The following SCD variants were observed in gnomAD, a reference collection of about 807,000 sequenced individuals.
SCD encodes the protein stearoyl-CoA desaturase.
Under a neutral mutation model 35.7 loss-of-function variants are expected in SCD, and 4 were observed. That is an observed-to-expected ratio of 0.11 (90% CI 0.06 to 0.26). The LOEUF (loss-of-function observed/expected upper bound fraction) is 0.26, where lower values mean the gene tolerates loss of function less well. Ranked by LOEUF, SCD falls within the 10% of genes least tolerant of loss-of-function variation. The pLI is 1.00. For missense variants in SCD, 282 were observed against 460.7 expected (o/e 0.61, Z 3.55); for synonymous variants, 150 against 170.2 (o/e 0.88, Z 0.92).
Position 100,356,858 on chromosome 10 carries a change from T to G in SCD, c.880+94T>G. 1.0e-6 allele frequency: 1 copy of G among 984,706 alleles called. No homozygotes were observed. The highest frequency in any genetic ancestry group is 1.5e-6 in the Non-Finnish European group (1 of 646,710). The allele number at this position is 984,706 out of a possible 1,614,324, so 61.0% of individuals were successfully genotyped here. A position where few individuals can be genotyped will look rare whatever the true frequency, so the allele number is the denominator to read the frequency against. ...AAAAACTAGATAAATCTGTTTTTTATGGCTACTTTGTATCTCAGTTTTTCC... is the reference window on the plus strand; with the variant it reads ...AAAAACTAGATAAATCTGTTTTTTAGGGCTACTTTGTATCTCAGTTTTTCC... On this transcript the variant is annotated intron_variant, in intron 5 of 5. Coordinates refer to ENST00000370355, the MANE Select transcript of SCD (RefSeq NM_005063.5). This position sits in a 1 kb window ranked among gnomAD's most constrained non-coding sequence, Gnocchi z 4.1.
At chr10:100,351,322 A>C (rs1016612896) in intron 2 of SCD, among the ~76,000 whole-genome samples, 5 of 144,008 alleles carry the variant, frequency 3.5e-5, no homozygotes, top group Non-Finnish European at 7.6e-5. Context: ...CTTGAAGAAT[A>C]TCCCACCATT....
chr10:100,349,171 G>A (rs367608695), intron 2 of SCD, among the ~76,000 whole-genome samples: 56 of 152,312 alleles, frequency 3.7e-4, no homozygotes, highest in African/African-American at 5.8e-4. Flanking sequence ...AAGAGAGCCC[G>A]GTCTTGAGGC....
In SCD at chr10:100,356,420, CA is replaced by C. The variant is rs553513871; in HGVS notation, c.648-110del. The C allele has an allele frequency of 3.9e-4, 301 of 762,188 alleles. No individual in the cohort carries two copies. In the African/African-American group the frequency reaches 4.7e-3, roughly 12 times the overall value. 47.2% of individuals were successfully genotyped at this position (762,188 alleles called of 1,614,324 possible). A position where few individuals can be genotyped will look rare whatever the true frequency, so the allele number is the denominator to read the frequency against. Reference sequence around the variant, plus strand: ...ATAAAACAATGAACTTAGAGTCAGACAAGCAATTCAACATGGAAGAAAGACA... The same window carrying C: ...ATAAAACAATGAACTTAGAGTCAGACAGCAATTCAACATGGAAGAAAGACA... On this transcript the variant is annotated intron_variant, in intron 4 of 5. Transcript: ENST00000370355. This position sits in a 1 kb window ranked among gnomAD's most constrained non-coding sequence, Gnocchi z 4.1.
Position 100,361,268 on chromosome 10 carries a change from C to A in SCD, c.*335C>A, listed in dbSNP as rs199785846. ...GTCCAGCTTCCAAAGCCTAGACAAC[C>A]TTTCTGTAGCCTAAAACGAATGGTC... On this transcript the variant is annotated 3_prime_UTR_variant, in exon 6 of 6. Transcript: ENST00000370355. 4.4e-4 allele frequency: 131 copies of A among 296,750 alleles called. No homozygotes were observed. The highest frequency in any genetic ancestry group is 6.6e-4 in the Non-Finnish European group (104 of 156,750). 18.4% of individuals were successfully genotyped at this position (296,750 alleles called of 1,614,324 possible).
rs1228762230 is a variant in SCD at position 100,356,679 on chromosome 10, C to T, written c.795C>T (p.Asn265=). 5.0e-6 allele frequency: 8 copies of T among 1,614,142 alleles called. No individual in the cohort carries two copies. The highest frequency in any genetic ancestry group is 5.9e-6 in the Non-Finnish European group (7 of 1,180,060). ...AVVLNATWLV[N]SAAHLFGYRP... ...TGCTTAATGCCACCTGGCTGGTGAA[C>T]AGTGCTGCCCACCTCTTCGGATATC... Residue 265 remains asparagine (N), a synonymous_variant, in exon 5 of 6, where the codon AAC becomes AAT. Coordinates refer to ENST00000370355, the MANE Select transcript of SCD (RefSeq NM_005063.5). This position sits in a 1 kb window ranked among gnomAD's most constrained non-coding sequence, Gnocchi z 4.1.
chr10:100,359,413 T>C (rs1849966314), intron 5 of SCD, among the ~76,000 whole-genome samples: 1 of 152,224 alleles, frequency 6.6e-6, no homozygotes, highest in African/African-American at 2.4e-5. Flanking sequence ...GTCTTCTTTC[T>C]ACCCGTTGAC....
chr10:100,348,304 A>G lies in SCD; in HGVS notation c.268A>G (p.Ile90Val), dbSNP rs373888779. ...GCTACACTTGGGAGCCCTGTATGGG[A>G]TCACTTTGATTCCTACCTGCAAGTT... Reference protein sequence around the residue: ...SLLHLGALYGITLIPTCKFYT... With the variant: ...SLLHLGALYGVTLIPTCKFYT... The change falls in exon 2 of 6, where the codon ATC becomes GTC. Residue 90 changes from isoleucine (I) to valine (V), a missense_variant. This residue lies in a region of SCD where 205 missense variants were observed against 372.3 expected (regional missense o/e 0.55). Transcript: ENST00000370355. The G allele has an allele frequency of 3.7e-6, 6 of 1,613,656 alleles. No homozygotes were observed. In the African/African-American group the frequency reaches 8.0e-5, roughly 22 times the overall value.
rs199961206 is a variant in SCD, at chr10:100,364,517, G to C, written c.*3584G>C. On this transcript the variant is annotated 3_prime_UTR_variant, in exon 6 of 6. Coordinates refer to ENST00000370355, the MANE Select transcript of SCD (RefSeq NM_005063.5). Reference sequence around the variant, plus strand: ...TAATAGGAATGTCCACCATGAACTTGATACGTCCGTGTGTCCCAGATGCTG... The same window carrying C: ...TAATAGGAATGTCCACCATGAACTTCATACGTCCGTGTGTCCCAGATGCTG... 16 of 152,714 alleles carry C rather than the reference G, an allele frequency of 1.0e-4. No homozygotes were observed. Among genetic ancestry groups the C allele is most frequent in the African/African-American group, 3.6e-4 (15 of 41,564 alleles). 9.5% of individuals were successfully genotyped at this position (152,714 alleles called of 1,614,324 possible). A position where few individuals can be genotyped will look rare whatever the true frequency, so the allele number is the denominator to read the frequency against.
intron 2 of SCD, among the ~76,000 whole-genome samples, chr10:100,350,284 C>T (rs1365226292): frequency 6.6e-6 from 1 of 152,160 alleles, no homozygotes; most frequent in Non-Finnish European, 1.5e-5. Context: ...TCAACTTGGA[C>T]ATCTTCTCTT....
chr10:100,354,098 T>C (rs181459395), intron 3 of SCD, among the ~76,000 whole-genome samples: 3 of 152,370 alleles, frequency 2.0e-5, no homozygotes, highest in Admixed American at 6.5e-5. Flanking sequence ...TTTTCCAACA[T>C]TCCTTGCTTA....
chr10:100,354,760 A>C (rs779821377), intron 4 of SCD, 128 bp downstream of exon 4: 8 of 718,074 alleles, frequency 1.1e-5, no homozygotes, highest in Non-Finnish European at 1.9e-5. Flanking sequence ...TCACAATCTT[A>C]ATTTAAAATC....
chr10:100,360,620 T>C, intron 5 of SCD, 114 bp from the exon 6 acceptor site: 1 of 798,638 alleles, frequency 1.3e-6, no homozygotes, highest in South Asian at 1.6e-5. Flanking sequence ...AATTCATCCA[T>C]TCAACAATAG....
chr10:100,351,644 GTTATT>G (rs1849873896), intron 2 of SCD, among the ~76,000 whole-genome samples: 1 of 152,042 alleles, frequency 6.6e-6, no homozygotes, highest in Non-Finnish European at 1.5e-5. Flanking sequence ...TGTACTGGCT[GTTATT>G]TTATTTTTTG....
Position 100,347,473 on chromosome 10 carries a change from CT to C in SCD, c.-31del. ...AACTCCGCTCCGGAGCCTCAGCCCC[CT>C]GGAAAGTGATCCCGGCATCCGAGAG... On this transcript the variant is annotated 5_prime_UTR_variant, in exon 1 of 6. Coordinates refer to ENST00000370355, the MANE Select transcript of SCD (RefSeq NM_005063.5). 6.2e-7 allele frequency: 1 copy of C among 1,613,302 alleles called. No homozygotes were observed. The highest frequency in any genetic ancestry group is 8.5e-7 in the Non-Finnish European group (1 of 1,179,774).
At chr10:100,349,699 C>T (rs1849851308) in intron 2 of SCD, among the ~76,000 whole-genome samples, 1 of 152,102 alleles carries the variant, frequency 6.6e-6, no homozygotes, top group Non-Finnish European at 1.5e-5. Flanking sequence ...ACATATGTGT[C>T]ACAGCCGCAG....
In SCD at chr10:100,347,411, C is replaced by T; in HGVS notation, c.-94C>T. 4 of 1,371,678 alleles carry T rather than the reference C, an allele frequency of 2.9e-6. No individual in the cohort carries two copies. Among genetic ancestry groups the T allele is most frequent in the East Asian group, 5.0e-5 (2 of 40,182 alleles). The allele number at this position is 1,371,678 out of a possible 1,614,324, so 85.0% of individuals were successfully genotyped here. A position where few individuals can be genotyped will look rare whatever the true frequency, so the allele number is the denominator to read the frequency against. Reference sequence around the variant, plus strand: ...CAAGGCGCCGCGGCTCAGCGCGTACCGGCGGGCTTCGAAACCGCAGTCCTC... The same window carrying T: ...CAAGGCGCCGCGGCTCAGCGCGTACTGGCGGGCTTCGAAACCGCAGTCCTC... On this transcript the variant is annotated 5_prime_UTR_variant, in exon 1 of 6. Transcript: ENST00000370355.
In SCD at chr10:100,348,084, C is replaced by A. The variant is rs1016499324; in HGVS notation, c.48C>A (p.Thr16=). The A allele has an allele frequency of 6.2e-7, 1 of 1,613,544 alleles. No homozygotes were observed. The highest frequency in any genetic ancestry group is 1.3e-5 in the African/African-American group (1 of 74,830). Residue 16 remains threonine (T), a synonymous_variant, in exon 2 of 6, where the codon ACC becomes ACA. Coordinates refer to ENST00000370355, the MANE Select transcript of SCD (RefSeq NM_005063.5). Reference sequence around the variant, plus strand: ...TCCAGATCTCTAGCTCCTATACCACCACCACCACCATTACAGCGCCTCCCT... The same window carrying A: ...TCCAGATCTCTAGCTCCTATACCACAACCACCACCATTACAGCGCCTCCCT... ...LQDDISSSYT[T]TTTITAPPSR... is the part of the protein sequence containing the mutation.
rs1157221332 is a variant in SCD at position 100,352,913 on chromosome 10, A to G, written c.441+417A>G. On this transcript the variant is annotated intron_variant, in intron 3 of 5. Transcript: ENST00000370355. The surrounding 1 kb of genome is among the most constrained non-coding windows in gnomAD (Gnocchi z 4.2). Reference sequence around the variant, plus strand: ...AGAGCTGGGAGGATCACTGGAGCCCAGGAGTTTGAAGCTGCAGTGAGCCAT... The same window carrying G: ...AGAGCTGGGAGGATCACTGGAGCCCGGGAGTTTGAAGCTGCAGTGAGCCAT... Among the ~76,000 whole-genome samples, 3 of 152,134 alleles carry G rather than the reference A, an allele frequency of 2.0e-5. No homozygotes were observed. The highest frequency in any genetic ancestry group is 1.5e-5 in the Non-Finnish European group (1 of 68,030).
chr10:100,358,855 G>A (rs1449965018), intron 5 of SCD, among the ~76,000 whole-genome samples: 4 of 152,120 alleles, frequency 2.6e-5, no homozygotes, highest in African/African-American at 9.6e-5. Flanking sequence ...TTGAACCCGG[G>A]AGGCAGAGGT....
Sources: gnomAD v4.1 joint callset for allele counts (sites outside exome capture counted in the v4.1 genomes callset) on GRCh38, gnomAD v4.1.1 for gene constraint, gnomAD v4.1.1 regional missense constraint, Gnocchi (gnomAD v3.1) non-coding constraint, MANE v1.5 for transcripts, NCBI Gene and HGNC (gene_info 2026-07-23, HGNC 2026-07-21) for gene names.